Variants in EMC8 observed in about 807,000 individuals in gnomAD.
The protein encoded by EMC8 is COX4 neighbor.
EMC8 carries 11 observed loss-of-function variants against 24.3 expected under a neutral mutation model. The observed-to-expected ratio is 0.45, with a 90% CI of 0.28 to 0.75. The LOEUF (loss-of-function observed/expected upper bound fraction) is 0.75, where lower values mean the gene tolerates loss of function less well. Among genes scored for constraint, EMC8 ranks in the 30% least tolerant of loss-of-function variants. The probability of loss-of-function intolerance (pLI) is 0.12; values close to 1 mark genes in which losing one functional copy is unlikely to be tolerated. For missense variants in EMC8, 277 were observed against 282.7 expected (o/e 0.98, Z 0.14); for synonymous variants, 145 against 117.7 (o/e 1.23, Z -1.50).
chr16:85,784,363 T>C (rs1188556868), intron 2 of EMC8: 1 of 152,248 alleles, frequency 6.6e-6, no homozygotes, highest in African/African-American at 2.4e-5. Context: ...AAGCACACTA[T>C]ATACAATTAC....
At chr16:85,782,333 AC>A (rs1904546612) in intron 2 of EMC8, among the ~76,000 whole-genome samples, 1 of 152,146 alleles carries the variant, frequency 6.6e-6, no homozygotes, top group Non-Finnish European at 1.5e-5. Context: ...CCGCCACCCA[AC>A]CCTGATAAAT....
chr16:85,791,785 C>A (rs1331295036), intron 1 of EMC8, among the ~76,000 whole-genome samples: 1 of 152,194 alleles, frequency 6.6e-6, no homozygotes, highest in Non-Finnish European at 1.5e-5. Flanking sequence ...CCATCTCTTC[C>A]TCTCACTCTG....
At chr16:85,784,152 C>G (rs549543683) in intron 2 of EMC8, among the ~76,000 whole-genome samples, 16 of 152,324 alleles carry the variant, frequency 1.1e-4, no homozygotes, top group African/African-American at 3.8e-4. Flanking sequence ...GCGCCCGCCA[C>G]CACGCCCAGC....
At position 85,781,119 on chromosome 16, in the gene EMC8, G is replaced by A. The variant is rs563235851; in HGVS notation, c.378+92C>T. On this transcript the variant is annotated intron_variant, in intron 3 of 4. Transcript: ENST00000253457. ...GTCTCAAGCAGATAAATGAGTGAAG[G>A]GGTTAGCGGAAAGGAAACCGCCGCA... is the stretch of plus-strand genomic sequence containing the variant. 38 of 839,834 alleles carry A rather than the reference G, an allele frequency of 4.5e-5. 1 individual carries two copies. In the African/African-American group the frequency reaches 5.8e-4, roughly 13 times the overall value. The allele number at this position is 839,834 out of a possible 1,614,324, so 52.0% of individuals were successfully genotyped here. A position where few individuals can be genotyped will look rare whatever the true frequency, so the allele number is the denominator to read the frequency against.
intron 2 of EMC8, among the ~76,000 whole-genome samples, chr16:85,783,129 C>A (rs1904587694): frequency 6.6e-6 from 1 of 152,132 alleles, no homozygotes; most frequent in South Asian, 2.1e-4. Context: ...ATGGTGAAAC[C>A]CTGTCTCTAC....
chr16:85,790,315 G>C (rs570689583), intron 1 of EMC8, among the ~76,000 whole-genome samples: 5 of 152,164 alleles, frequency 3.3e-5, no homozygotes, highest in African/African-American at 1.2e-4. Flanking sequence ...GCCTTGCACA[G>C]GATTAGGATA....
chr16:85,789,481 T>A (rs914292857), intron 1 of EMC8, among the ~76,000 whole-genome samples: 1 of 152,136 alleles, frequency 6.6e-6, no homozygotes, highest in Non-Finnish European at 1.5e-5. Context: ...CAGAAGGGAA[T>A]CTCAGTCTCT....
chr16:85,794,562 G>A (rs1905164363), intron 1 of EMC8, among the ~76,000 whole-genome samples: 1 of 152,280 alleles, frequency 6.6e-6, no homozygotes, highest in Admixed American at 6.5e-5. Context: ...GGCGGTGTGC[G>A]CTGGTAGTAC....
chr16:85,781,121 G>A (rs1434330410), intron 3 of EMC8, 90 bp downstream of exon 3: 20 of 870,270 alleles, frequency 2.3e-5, no homozygotes, highest in Non-Finnish European at 3.9e-5. Context: ...GAGTGAAGGG[G>A]TTAGCGGAAA....
chr16:85,792,113 A>G (rs1387684190), intron 1 of EMC8, among the ~76,000 whole-genome samples: 2 of 151,912 alleles, frequency 1.3e-5, no homozygotes, highest in Non-Finnish European at 2.9e-5. Context: ...GTTAGGACTC[A>G]TAGCCCAGTA....
intron 3 of EMC8, 100 bp from the exon 4 acceptor site, chr16:85,780,573 G>A (rs761124745): frequency 2.5e-6 from 2 of 794,322 alleles, no homozygotes; most frequent in East Asian, 2.7e-5. Flanking sequence ...GCCCACGCTG[G>A]CTGGGGCAGA....
intron 2 of EMC8, among the ~76,000 whole-genome samples, chr16:85,785,926 A>G (rs1222442571): frequency 6.6e-6 from 1 of 152,218 alleles, no homozygotes; most frequent in African/African-American, 2.4e-5. Context: ...AAACCTACTC[A>G]TATCAAATGC....
chr16:85,790,252 G>A (rs928053710), intron 1 of EMC8, among the ~76,000 whole-genome samples: 2 of 151,554 alleles, frequency 1.3e-5, no homozygotes, highest in African/African-American at 2.4e-5. Context: ...TTGGGCCTCT[G>A]AGTCTCCTTC....
chr16:85,778,977 C>A lies in EMC8; in HGVS notation c.*731G>T, dbSNP rs1904366962. ...TTTTTCCTAATACAAAAGAAACGAT[C>A]ATTTCCCTTTCCTGGCCCTGCAGGC... On this transcript the variant is annotated 3_prime_UTR_variant, in exon 5 of 5. Coordinates refer to ENST00000253457, the MANE Select transcript of EMC8 (RefSeq NM_006067.5). 2.0e-5 allele frequency: 3 copies of A among 152,226 alleles called. No individual in the cohort carries two copies. In the South Asian group the frequency reaches 6.2e-4, roughly 32 times the overall value. 9.4% of individuals were successfully genotyped at this position (152,226 alleles called of 1,614,324 possible).
intron 1 of EMC8, among the ~76,000 whole-genome samples, chr16:85,796,739 C>G (rs535738219): frequency 9.2e-5 from 14 of 152,324 alleles, no homozygotes; most frequent in Admixed American, 8.5e-4. Context: ...GTTCTCCCTC[C>G]ATCCCCCACC....
chr16:85,786,356 G>A (rs1467723865), intron 2 of EMC8, among the ~76,000 whole-genome samples: 1 of 152,226 alleles, frequency 6.6e-6, no homozygotes, highest in Non-Finnish European at 1.5e-5. Context: ...TTTCCAGGCA[G>A]AAGCAAAACC....
At chr16:85,787,129 G>A (rs1245029149) in intron 2 of EMC8, among the ~76,000 whole-genome samples, 1 of 152,138 alleles carries the variant, frequency 6.6e-6, no homozygotes, top group Non-Finnish European at 1.5e-5. Context: ...GCCCTCAGCT[G>A]TGGCCCAACC....
At chr16:85,789,105 G>T in intron 1 of EMC8, 55 bp from the exon 2 acceptor site, 3 of 1,216,248 alleles carry the variant, frequency 2.5e-6, no homozygotes, top group Non-Finnish European at 3.7e-6. Flanking sequence ...TAAATATCAA[G>T]TCGTAAAAAC....
At chr16:85,788,015 C>T (rs964691371) in intron 2 of EMC8, among the ~76,000 whole-genome samples, 3 of 152,226 alleles carry the variant, frequency 2.0e-5, no homozygotes, top group African/African-American at 4.8e-5. Flanking sequence ...ACTGCACCCC[C>T]ATCTCCCTGG....
Sources: allele counts gnomAD v4.1 joint callset (sites outside exome capture counted in the v4.1 genomes callset), GRCh38; gene constraint gnomAD v4.1.1; transcripts MANE v1.5; gene names NCBI Gene and HGNC (gene_info 2026-07-23, HGNC 2026-07-21).